The following TBC1D14 variants were observed in gnomAD, a reference collection of about 807,000 sequenced individuals.
TBC1D14 encodes TBC1 domain family, member 14.
TBC1D14 carries 26 observed loss-of-function variants against 79.0 expected under a neutral mutation model. The observed-to-expected ratio is 0.33, with a 90% CI of 0.24 to 0.46. The LOEUF (loss-of-function observed/expected upper bound fraction) is 0.46. TBC1D14 is among the 20% of genes least tolerant of loss of function. The probability of loss-of-function intolerance (pLI) is 1.00; values close to 1 mark genes in which losing one functional copy is unlikely to be tolerated. For synonymous variants in TBC1D14, 394 were observed against 349.9 expected (o/e 1.13, Z -1.40); for missense variants, 769 against 887.6 (o/e 0.87, Z 1.70).
chr4:6,997,966 C>T (rs1236378536), intron 5 of TBC1D14, among the ~76,000 whole-genome samples: 2 of 152,176 alleles, frequency 1.3e-5, no homozygotes, highest in African/African-American at 2.4e-5. Context: ...TATGAATGTT[C>T]TTAATGCCAC....
At chr4:6,998,963 A>T (rs1719372186) in intron 5 of TBC1D14, 122 bp from the exon 6 acceptor site, 2 of 816,284 alleles carry the variant, frequency 2.5e-6, no homozygotes, top group Admixed American at 2.2e-5. Context: ...GCTGGAGCTG[A>T]TGCTCGCTCT....
chr4:6,968,909 C>G (rs998111572), intron 3 of TBC1D14, among the ~76,000 whole-genome samples: 3 of 152,124 alleles, frequency 2.0e-5, no homozygotes, highest in African/African-American at 7.2e-5. Context: ...AGAGGATGCC[C>G]CTTTAAGTGC....
At chr4:6,950,883 C>G (rs374884364) in intron 2 of TBC1D14, among the ~76,000 whole-genome samples, 1 of 152,110 alleles carries the variant, frequency 6.6e-6, no homozygotes, top group Non-Finnish European at 1.5e-5. Context: ...GTTTTGATAT[C>G]AAAATTATGC....
At chr4:6,967,248 C>G (rs1715782489) in intron 2 of TBC1D14, 56 bp from the exon 3 acceptor site, 3 of 1,595,224 alleles carry the variant, frequency 1.9e-6, no homozygotes, top group African/African-American at 1.4e-5. Flanking sequence ...TTCTGCTGTT[C>G]TGGTGTTTCT....
chr4:6,919,295 C>T (rs1383152749), intron 1 of TBC1D14, among the ~76,000 whole-genome samples: 1 of 152,006 alleles, frequency 6.6e-6, no homozygotes, highest in Non-Finnish European at 1.5e-5. Context: ...TACAGGCATG[C>T]ACCACCATGC....
chr4:6,932,701 G>T (rs1296753596), intron 2 of TBC1D14, among the ~76,000 whole-genome samples: 1 of 152,188 alleles, frequency 6.6e-6, no homozygotes, highest in African/African-American at 2.4e-5. Context: ...ATAGCGCAGT[G>T]TGGCCTTGAA....
intron 3 of TBC1D14, among the ~76,000 whole-genome samples, chr4:6,985,526 G>A (rs1307): frequency 0.18 from 27,999 of 152,162 alleles, 3,114 homozygotes; most frequent in East Asian, 0.26. Context: ...ACATATATGC[G>A]TAAAACCCAA....
rs185268981 is a variant in TBC1D14, at chr4:6,927,663, C to T, written c.722+3552C>T. On this transcript the variant is annotated intron_variant, in intron 2 of 13. Coordinates refer to ENST00000409757, the MANE Select transcript of TBC1D14 (RefSeq NM_020773.3). ...GGGGTAGATGCGTCTTTGTTGTGGG[C>T]GGCTGTCCTGTGCATTGGAGGATGC... is the stretch of plus-strand genomic sequence containing the variant. Among the ~76,000 whole-genome samples, 23 of 152,282 alleles carry T rather than the reference C, an allele frequency of 1.5e-4. No individual in the cohort carries two copies. The East Asian group carries it at 3.9e-3, about 26-fold the overall frequency.
chr4:7,028,627 A>G (rs1046523659), intron 13 of TBC1D14, among the ~76,000 whole-genome samples: 7 of 152,044 alleles, frequency 4.6e-5, no homozygotes, highest in Non-Finnish European at 7.4e-5. Flanking sequence ...GGGTTTCACC[A>G]CGTTGACCAG....
chr4:7,004,866 C>A lies in TBC1D14; in HGVS notation c.1293C>A (p.Ala431=), dbSNP rs758251688. The change falls in exon 8 of 14, where the codon GCC becomes GCA. Residue 431 remains alanine (A), a synonymous_variant. Transcript: ENST00000409757. ...CAGAGCTCTTTGACATCTGTCTTGC[C>A]CGAGCCAAGGAGAGGTGGCGGTCCC... is the stretch of plus-strand genomic sequence containing the variant. ...ITHELFDICL[A]RAKERWRSLS... is the part of the protein sequence containing the mutation. The A allele has an allele frequency of 1.9e-6, 3 of 1,614,066 alleles. No homozygotes were observed. Among genetic ancestry groups the A allele is most frequent in the Non-Finnish European group, 2.5e-6 (3 of 1,179,984 alleles).
chr4:6,974,675 T>G lies in TBC1D14; in HGVS notation c.843+7251T>G, dbSNP rs115378153. ...CAGAAGGCTGGCTGGAACTTGTGTG[T>G]GGAATCTAACTGCATAAATTGCTTA... On this transcript the variant is annotated intron_variant, in intron 3 of 13. Transcript: ENST00000409757. Among the ~76,000 whole-genome samples, 467 of 152,304 alleles carry G rather than the reference T, an allele frequency of 3.1e-3. 1 individual carries two copies. The highest frequency in any genetic ancestry group is 0.01 in the Middle Eastern group (3 of 292).
chr4:6,914,789 C>T (rs1168975642), intron 1 of TBC1D14, among the ~76,000 whole-genome samples: 1 of 152,212 alleles, frequency 6.6e-6, no homozygotes, highest in African/African-American at 2.4e-5. Flanking sequence ...TCTGTAATCC[C>T]AGCACTTTGG....
At chr4:6,980,468 A>G (rs1717263681) in intron 3 of TBC1D14, among the ~76,000 whole-genome samples, 3 of 152,340 alleles carry the variant, frequency 2.0e-5, no homozygotes, top group Non-Finnish European at 4.4e-5. Context: ...TTCTACCTGA[A>G]GAAAGTATAA....
At chr4:6,919,843 A>T (rs554280068) in intron 1 of TBC1D14, among the ~76,000 whole-genome samples, 2 of 151,510 alleles carry the variant, frequency 1.3e-5, no homozygotes, top group South Asian at 2.1e-4. Context: ...CTGGTCTCAA[A>T]CTCCTGACTT....
chr4:7,026,940 C>A (rs1168593010), intron 13 of TBC1D14, among the ~76,000 whole-genome samples: 1 of 152,058 alleles, frequency 6.6e-6, no homozygotes, highest in Admixed American at 6.6e-5. Context: ...TGGCCAGGTG[C>A]AGTGGCTCAC....
At chr4:6,914,872 C>G (rs1560236973) in intron 1 of TBC1D14, among the ~76,000 whole-genome samples, 1 of 152,170 alleles carries the variant, frequency 6.6e-6, no homozygotes, top group Non-Finnish European at 1.5e-5. Context: ...AACCCTGTCT[C>G]TACTAAAAAT....
intron 3 of TBC1D14, among the ~76,000 whole-genome samples, chr4:6,989,913 T>C (rs552123553): frequency 1.2e-4 from 18 of 152,278 alleles, no homozygotes; most frequent in South Asian, 8.3e-4. Context: ...CGTGATTCCT[T>C]ATAAGCTGCC....
intron 3 of TBC1D14, among the ~76,000 whole-genome samples, chr4:6,989,757 C>G (rs975688663): frequency 2.0e-5 from 3 of 151,982 alleles, no homozygotes; most frequent in African/African-American, 7.3e-5. Flanking sequence ...TCATGCAGAG[C>G]CCTCTGCATG....
intron 2 of TBC1D14, among the ~76,000 whole-genome samples, chr4:6,925,523 C>T (rs1446706775): frequency 6.6e-6 from 1 of 152,138 alleles, no homozygotes; most frequent in Non-Finnish European, 1.5e-5. Context: ...GCTTCATCAA[C>T]TAAAGGGGAT....
Sources: gnomAD v4.1 joint callset for allele counts (sites outside exome capture counted in the v4.1 genomes callset) on GRCh38, gnomAD v4.1.1 for gene constraint, MANE v1.5 for transcripts, NCBI Gene and HGNC (gene_info 2026-07-23, HGNC 2026-07-21) for gene names.